CDKAL1: variants seen among roughly 807,000 people sequenced by gnomAD.
CDKAL1 encodes threonylcarbamoyladenosine tRNA methylthiotransferase.
Under a neutral mutation model 68.2 loss-of-function variants are expected in CDKAL1, and 32 were observed. The observed-to-expected ratio is 0.47, with a 90% confidence interval of 0.35 to 0.63. CDKAL1 has a LOEUF of 0.63. Ranked by LOEUF, CDKAL1 falls within the 30% of genes least tolerant of loss-of-function variation. The pLI is 0.00. For missense variants in CDKAL1, 606 were observed against 696.7 expected (o/e 0.87, Z 1.47); for synonymous variants, 234 against 244.3 (o/e 0.96, Z 0.39).
chr6:20,690,944 T>C (rs1267983942), intron 5 of CDKAL1, among the ~76,000 whole-genome samples: 1 of 152,230 alleles, frequency 6.6e-6, no homozygotes, highest in Non-Finnish European at 1.5e-5. Context: ...TCTGATATGC[T>C]AATTATTTTG....
chr6:20,623,733 A>G (rs1369513202), intron 4 of CDKAL1, among the ~76,000 whole-genome samples: 3 of 152,084 alleles, frequency 2.0e-5, no homozygotes, highest in African/African-American at 4.8e-5. Flanking sequence ...CCTTTATTTT[A>G]TTATCAGTCT....
intron 4 of CDKAL1, among the ~76,000 whole-genome samples, chr6:20,622,644 G>C (rs759611306): frequency 1.3e-5 from 2 of 151,940 alleles, no homozygotes; most frequent in Non-Finnish European, 2.9e-5. Flanking sequence ...TAGTTCATTG[G>C]GTTCAGAGAG....
intron 13 of CDKAL1, among the ~76,000 whole-genome samples, chr6:21,156,615 G>C (rs1306215505): frequency 6.6e-6 from 1 of 151,954 alleles, no homozygotes; most frequent in Non-Finnish European, 1.5e-5. Context: ...GTGCCATTTT[G>C]TGGAGTGATG....
intron 5 of CDKAL1, among the ~76,000 whole-genome samples, chr6:20,676,062 G>T (rs975182671): frequency 6.6e-5 from 10 of 152,038 alleles, no homozygotes; most frequent in Non-Finnish European, 1.2e-4. Context: ...AAAAGGTTAT[G>T]GAATAAAGAT....
intron 13 of CDKAL1, among the ~76,000 whole-genome samples, chr6:21,171,052 A>G (rs1777363499): frequency 6.6e-6 from 1 of 152,230 alleles, no homozygotes; most frequent in Non-Finnish European, 1.5e-5. Context: ...TTTAAAAAAT[A>G]TATAGAAAAT....
chr6:21,056,222 T>C (rs1399189833), intron 11 of CDKAL1, among the ~76,000 whole-genome samples: 1 of 152,202 alleles, frequency 6.6e-6, no homozygotes, highest in Non-Finnish European at 1.5e-5. Flanking sequence ...GTAGTTCTCC[T>C]TGAAGAGGTC....
chr6:21,209,512 G>C (rs1361482045), intron 15 of CDKAL1, among the ~76,000 whole-genome samples: 1 of 152,050 alleles, frequency 6.6e-6, no homozygotes, highest in Non-Finnish European at 1.5e-5. Context: ...AGAAGTTTTT[G>C]GTCTTGGCTG....
At chr6:21,067,074 C>T (rs895101719) in intron 12 of CDKAL1, among the ~76,000 whole-genome samples, 1 of 152,066 alleles carries the variant, frequency 6.6e-6, no homozygotes, top group South Asian at 2.1e-4. Context: ...TTGTACTGTA[C>T]CTACAGAAAA....
intron 9 of CDKAL1, among the ~76,000 whole-genome samples, chr6:20,909,683 C>G (rs549445332): frequency 6.6e-6 from 1 of 152,120 alleles, no homozygotes; most frequent in Non-Finnish European, 1.5e-5. Context: ...ACAGTTCTGC[C>G]CTCAGAGCCT....
intron 5 of CDKAL1, among the ~76,000 whole-genome samples, chr6:20,718,227 A>G (rs907014361): frequency 6.6e-6 from 1 of 152,048 alleles, no homozygotes; most frequent in African/African-American, 2.4e-5. Context: ...CCTGAACCAT[A>G]TTTTCCTCAT....
intron 5 of CDKAL1, among the ~76,000 whole-genome samples, chr6:20,652,203 G>A (rs576142296): frequency 6.6e-6 from 1 of 152,182 alleles, no homozygotes; most frequent in South Asian, 2.1e-4. Context: ...AGTAATTTCA[G>A]TATTTGTGAA....
chr6:20,854,681 C>T (rs1050546572), intron 9 of CDKAL1, among the ~76,000 whole-genome samples: 4 of 152,302 alleles, frequency 2.6e-5, no homozygotes, highest in Middle Eastern at 3.4e-3. Flanking sequence ...TATAGTCCAA[C>T]GCACAGAAAA....
At chr6:20,765,822 C>G (rs1396333136) in intron 7 of CDKAL1, among the ~76,000 whole-genome samples, 3 of 152,122 alleles carry the variant, frequency 2.0e-5, no homozygotes, top group Non-Finnish European at 2.9e-5. Flanking sequence ...GTCTGTATTT[C>G]TGTAACTTTA....
chr6:20,560,430 G>A (rs1005665422), intron 4 of CDKAL1, among the ~76,000 whole-genome samples: 1 of 152,184 alleles, frequency 6.6e-6, no homozygotes, highest in East Asian at 1.9e-4. Context: ...TCATTGCTCT[G>A]TTGCCCTGAC....
intron 8 of CDKAL1, among the ~76,000 whole-genome samples, chr6:20,815,535 G>T (rs953760857): frequency 6.7e-6 from 1 of 149,290 alleles, no homozygotes; most frequent in African/African-American, 2.5e-5. Flanking sequence ...CTTTTTTGAT[G>T]GTTATCTGTT....
rs370619043 is a variant in CDKAL1 at position 21,179,376 on chromosome 6, C to T, written c.1300-18645C>T. On this transcript the variant is annotated intron_variant, in intron 13 of 15. Coordinates refer to ENST00000274695, the MANE Select transcript of CDKAL1 (RefSeq NM_017774.3). ...TCTAGGGCCTTATTTAACCTCAAGA[C>T]TAATACTCAACAAAGCCACATGCTA... 1.1e-4 allele frequency among the ~76,000 whole-genome samples: 17 copies of T among 152,202 alleles called. No individual in the cohort carries two copies. In the East Asian group the frequency reaches 1.7e-3, roughly 15 times the overall value.
At chr6:21,048,976 A>G (rs1203838517) in intron 11 of CDKAL1, among the ~76,000 whole-genome samples, 1 of 147,626 alleles carries the variant, frequency 6.8e-6, no homozygotes, top group Admixed American at 6.9e-5. Context: ...CTGTAATTGG[A>G]TTTTTTTCTT....
chr6:20,630,547 A>G (rs2127741279), intron 4 of CDKAL1, among the ~76,000 whole-genome samples: 1 of 151,836 alleles, frequency 6.6e-6, no homozygotes, highest in East Asian at 1.9e-4. Context: ...GAGATAATTT[A>G]TAACATTTGA....
chr6:20,605,230 A>G (rs1766282415), intron 4 of CDKAL1, among the ~76,000 whole-genome samples: 1 of 152,198 alleles, frequency 6.6e-6, no homozygotes, highest in South Asian at 2.1e-4. Flanking sequence ...ACCAGCCAAA[A>G]AAGGGCAGGA....
Sources: allele counts gnomAD v4.1 joint callset (sites outside exome capture counted in the v4.1 genomes callset), GRCh38; gene constraint gnomAD v4.1.1; transcripts MANE v1.5; gene names NCBI Gene and HGNC (gene_info 2026-07-23, HGNC 2026-07-21).